Variants in CX3CR1 observed in about 807,000 individuals in gnomAD.
CX3CR1 encodes the protein CX3C chemokine receptor 1.
For synonymous variants in CX3CR1, 168 were observed against 178.5 expected, an observed-to-expected ratio of 0.94 and a Z score of 0.47; for missense variants, 363 against 432.4, an observed-to-expected ratio of 0.84 and a Z score of 1.42.
chr3:39,286,871 G>C, the CX3CR1 span: 1 of 152,168 alleles, frequency 6.6e-6, no homozygotes, highest in African/African-American at 2.4e-5. Context: ...AAAAGTACAA[G>C]ATGCAAACAT....
chr3:39,276,809 A>G (rs1376746360), intron 1 of CX3CR1, among the ~76,000 whole-genome samples: 2 of 152,220 alleles, frequency 1.3e-5, no homozygotes, highest in Non-Finnish European at 2.9e-5. Flanking sequence ...AAGCTAAGCT[A>G]TATTGTTTAG....
intron 1 of CX3CR1, among the ~76,000 whole-genome samples, chr3:39,271,203 G>T (rs56083137): frequency 0.021 from 3,190 of 152,246 alleles, 105 homozygotes; most frequent in African/African-American, 0.072. Flanking sequence ...TTTGCAGAAG[G>T]ATAAATATTA....
chr3:39,273,960 C>G (rs1158566938), intron 1 of CX3CR1, among the ~76,000 whole-genome samples: 2 of 152,158 alleles, frequency 1.3e-5, no homozygotes, highest in Non-Finnish European at 2.9e-5. Flanking sequence ...CAACATGAGT[C>G]CTAGGTCAGC....
At chr3:39,279,136 C>A (rs1047299454) in intron 1 of CX3CR1, among the ~76,000 whole-genome samples, 2 of 151,428 alleles carry the variant, frequency 1.3e-5, no homozygotes, top group African/African-American at 4.9e-5. Flanking sequence ...CCAGCTTAGG[C>A]AACAAGAGCA....
intron 1 of CX3CR1, among the ~76,000 whole-genome samples, chr3:39,273,126 G>T (rs954494871): frequency 6.6e-6 from 1 of 152,252 alleles, no homozygotes; most frequent in Non-Finnish European, 1.5e-5. Context: ...GCAGGATATT[G>T]CAGGCCACTT....
intron 1 of CX3CR1, among the ~76,000 whole-genome samples, chr3:39,269,497 A>G (rs2040748671): frequency 6.6e-6 from 1 of 152,194 alleles, no homozygotes; most frequent in Non-Finnish European, 1.5e-5. Flanking sequence ...TCACATAAAG[A>G]CTTTGATTAA....
At position 39,265,282 on chromosome 3, in the gene CX3CR1, T is replaced by C. The variant is rs2040679408; in HGVS notation, c.*160A>G. On this transcript the variant is annotated 3_prime_UTR_variant, in exon 2 of 2. Coordinates refer to ENST00000399220, the MANE Select transcript of CX3CR1 (RefSeq NM_001337.4). ...GAGTTCAATTTGTTCATTCTTCAAA[T>C]TTTGAGCACAATTCTCAACAACACT... The C allele has an allele frequency of 4.5e-6, 3 of 660,798 alleles. No individual in the cohort carries two copies. In the South Asian group the frequency reaches 7.4e-5, roughly 16 times the overall value. 40.9% of individuals were successfully genotyped at this position (660,798 alleles called of 1,614,324 possible).
At chr3:39,291,306 C>T in the CX3CR1 span, among the ~76,000 whole-genome samples, 1 of 152,118 alleles carries the variant, frequency 6.6e-6, no homozygotes, top group Admixed American at 6.5e-5. Context: ...ATCCACCAGC[C>T]TCCGTCTCCC....
chr3:39,265,834 T>C lies in CX3CR1; in HGVS notation c.676A>G (p.Lys226Glu), dbSNP rs1445661895. The change falls in exon 2 of 2, where the codon AAA becomes GAA. Residue 226 changes from lysine to glutamate, a missense_variant. Physicochemically the swap from Lys to Glu is moderately conservative, Grantham distance 56. Transcript: ENST00000399220. The stretch of plus-strand genomic sequence containing the variant: ...AGGATCAGTTTAATGGCTTTGGCTT[T>C]CTTGTGGTTCTTGCAGGAAAACAGC... ...QTLFSCKNHK[K>E]AKAIKLILLV... 1 of 1,614,082 alleles carries C rather than the reference T, an allele frequency of 6.2e-7. No homozygotes were observed. Among genetic ancestry groups the C allele is most frequent in the Non-Finnish European group, 8.5e-7 (1 of 1,180,038 alleles).
chr3:39,281,073 G>C (rs951636337), upstream of CX3CR1: 4 of 991,160 alleles, frequency 4.0e-6, no homozygotes, highest in East Asian at 2.2e-4. Flanking sequence ...CGAGGACAGC[G>C]GGTGCTCTGT....
At chr3:39,280,970 T>A (rs907757567), upstream of CX3CR1, 2 of 459,282 alleles carry the variant, frequency 4.4e-6, no homozygotes, top group African/African-American at 4.2e-5. Context: ...CTTCATTAAA[T>A]GGTCTGTGAC....
chr3:39,284,905 G>A (rs1039213306), upstream of CX3CR1, among the ~76,000 whole-genome samples: 27 of 152,142 alleles, frequency 1.8e-4, no homozygotes, highest in African/African-American at 6.5e-4. Flanking sequence ...AATTGTAAAG[G>A]ACCAGACACG....
At chr3:39,281,532 A>G, upstream of CX3CR1, 1 of 1,264,892 alleles carries the variant, frequency 7.9e-7, no homozygotes, top group Non-Finnish European at 1.1e-6. Context: ...ACACATCTCT[A>G]CCTCCATCCA....
intron 1 of CX3CR1, among the ~76,000 whole-genome samples, chr3:39,268,543 C>T (rs1324212831): frequency 6.6e-6 from 1 of 152,084 alleles, no homozygotes; most frequent in Non-Finnish European, 1.5e-5. Context: ...TGTTAGGGAC[C>T]CTGGAGCTAG....
At chr3:39,278,997 C>G (rs1453512308) in intron 1 of CX3CR1, among the ~76,000 whole-genome samples, 2 of 152,280 alleles carry the variant, frequency 1.3e-5, no homozygotes, top group East Asian at 1.9e-4. Context: ...CCCGCCTCTA[C>G]TAAAAATACA....
Position 39,265,321 on chromosome 3 carries a change from G to T in CX3CR1, c.*121C>A. The T allele has an allele frequency of 9.8e-7, 1 of 1,015,946 alleles. No individual in the cohort carries two copies. The highest frequency in any genetic ancestry group is 1.4e-6 in the Non-Finnish European group (1 of 691,014). 62.9% of individuals were successfully genotyped at this position (1,015,946 alleles called of 1,614,324 possible). On this transcript the variant is annotated 3_prime_UTR_variant, in exon 2 of 2. Transcript: ENST00000399220. The stretch of plus-strand genomic sequence containing the variant: ...CTCAACAACACTCTAGGGTTGTTTT[G>T]TGTGCATTGGGTCCATCATTTTGTG...
intron 1 of CX3CR1, among the ~76,000 whole-genome samples, chr3:39,272,326 G>A (rs1430029147): frequency 2.0e-5 from 3 of 152,178 alleles, no homozygotes; most frequent in African/African-American, 7.2e-5. Flanking sequence ...AGAGCTTTGA[G>A]TGTACACATG....
chr3:39,281,005 T>C, upstream of CX3CR1: 1 of 869,864 alleles, frequency 1.1e-6, no homozygotes. Context: ...TCTGGCCCCT[T>C]GCTGCCCACA....
chr3:39,281,572 A>G, upstream of CX3CR1: 1 of 1,568,902 alleles, frequency 6.4e-7, no homozygotes, highest in Non-Finnish European at 8.7e-7. Flanking sequence ...AGCCCATCTA[A>G]CCTTCTCCGT....
Sources: gnomAD v4.1 joint callset for allele counts (sites outside exome capture counted in the v4.1 genomes callset) on GRCh38, gnomAD v4.1.1 for gene constraint, MANE v1.5 for transcripts, NCBI Gene and HGNC (gene_info 2026-07-23, HGNC 2026-07-21) for gene names.